TRHDE: variants seen among roughly 807,000 people sequenced by gnomAD.
TRHDE encodes the protein thyrotropin-releasing hormone-degrading ectoenzyme.
In TRHDE, 72 loss-of-function variants were observed where a neutral mutation model predicts 125.7. That is an observed-to-expected ratio of 0.57 (90% CI 0.47 to 0.70). The LOEUF is 0.70. Among genes scored for constraint, TRHDE ranks in the 30% least tolerant of loss-of-function variants. The pLI is 0.00. For synonymous variants in TRHDE, 509 were observed against 509.1 expected, an observed-to-expected ratio of 1.00 and a Z score of 0.00; for missense variants, 1,110 against 1,327.1, an observed-to-expected ratio of 0.84 and a Z score of 2.54.
intron 2 of TRHDE, among the ~76,000 whole-genome samples, chr12:72,310,375 C>T (rs1289524035): frequency 1.3e-5 from 2 of 152,160 alleles, no homozygotes; most frequent in Non-Finnish European, 2.9e-5. Flanking sequence ...ATGGGCAAGC[C>T]GTTCAACCAT....
chr12:72,096,113 A>G (rs1186981654), intron 1 of TRHDE, among the ~76,000 whole-genome samples: 1 of 142,338 alleles, frequency 7.0e-6, no homozygotes, highest in African/African-American at 2.7e-5. Flanking sequence ...ATTCCTTAAG[A>G]TAAATCTTTT....
intron 2 of TRHDE, among the ~76,000 whole-genome samples, chr12:72,332,133 G>A (rs1294976774): frequency 1.4e-5 from 2 of 140,228 alleles, no homozygotes; most frequent in Non-Finnish European, 3.2e-5. Context: ...AGCCAAGGGG[G>A]AGCTCCCAAA....
At chr12:72,567,520 A>G (rs1447616240) in intron 9 of TRHDE, among the ~76,000 whole-genome samples, 1 of 151,980 alleles carries the variant, frequency 6.6e-6, no homozygotes, top group Non-Finnish European at 1.5e-5. Context: ...CGACAGAGTC[A>G]TAGGAAATGC....
At chr12:72,366,379 A>C (rs1253301457) in intron 2 of TRHDE, among the ~76,000 whole-genome samples, 2 of 152,176 alleles carry the variant, frequency 1.3e-5, no homozygotes, top group Non-Finnish European at 2.9e-5. Flanking sequence ...GTGATTTACA[A>C]GAAGAGACTA....
intron 3 of TRHDE, among the ~76,000 whole-genome samples, chr12:72,435,535 A>G (rs1874700317): frequency 6.6e-6 from 1 of 152,098 alleles, no homozygotes; most frequent in Admixed American, 6.6e-5. Flanking sequence ...TTCTAATTTT[A>G]TGATGTTAAT....
intron 3 of TRHDE, among the ~76,000 whole-genome samples, chr12:72,444,038 G>T (rs1875153076): frequency 6.6e-6 from 1 of 151,608 alleles, no homozygotes; most frequent in African/African-American, 2.4e-5. Flanking sequence ...TCCTCTTTTT[G>T]CATATAAAGA....
At chr12:72,161,541 A>G (rs906511640) in intron 2 of TRHDE, among the ~76,000 whole-genome samples, 2 of 152,130 alleles carry the variant, frequency 1.3e-5, no homozygotes, top group Non-Finnish European at 2.9e-5. Flanking sequence ...AGTGGTTTAT[A>G]TTATGTGTCT....
intron 2 of TRHDE, among the ~76,000 whole-genome samples, chr12:72,250,837 G>GATATATAGATATATATATATATATAT (rs1878666279): frequency 8.5e-6 from 1 of 117,932 alleles, no homozygotes; most frequent in Admixed American, 8.6e-5. Flanking sequence ...ATGACTTACA[G>GATATATAGATATATATATATATATAT]ATATATATAT....
intron 2 of TRHDE, among the ~76,000 whole-genome samples, chr12:72,336,345 A>C (rs930104051): frequency 6.6e-6 from 1 of 152,210 alleles, no homozygotes; most frequent in Non-Finnish European, 1.5e-5. Context: ...CATATTATCT[A>C]TGAATGAAAA....
chr12:72,257,116 A>G (rs1395696642), intron 2 of TRHDE: 1 of 152,034 alleles, frequency 6.6e-6, no homozygotes, highest in African/African-American at 2.4e-5. Flanking sequence ...TTATCCTTTC[A>G]TTATTATTGG....
chr12:72,457,098 A>T (rs972206204), intron 3 of TRHDE, among the ~76,000 whole-genome samples: 1 of 152,186 alleles, frequency 6.6e-6, no homozygotes, highest in African/African-American at 2.4e-5. Flanking sequence ...TTCAACCTGA[A>T]TGGGGCATGG....
chr12:72,360,531 T>C (rs1420634140), intron 2 of TRHDE, among the ~76,000 whole-genome samples: 1 of 151,774 alleles, frequency 6.6e-6, no homozygotes, highest in African/African-American at 2.4e-5. Context: ...AAATTACAAC[T>C]AACCGTGGAA....
chr12:72,431,426 G>C (rs1325948971), intron 3 of TRHDE, among the ~76,000 whole-genome samples: 1 of 152,070 alleles, frequency 6.6e-6, no homozygotes, highest in Admixed American at 6.6e-5. Flanking sequence ...TTATGAAGTT[G>C]AACTGCTGAA....
intron 3 of TRHDE, among the ~76,000 whole-genome samples, chr12:72,458,370 C>G (rs944778573): frequency 6.6e-6 from 1 of 152,216 alleles, no homozygotes; most frequent in Non-Finnish European, 1.5e-5. Flanking sequence ...GTCACACTTT[C>G]CTGATTTTCT....
intron 6 of TRHDE, among the ~76,000 whole-genome samples, chr12:72,512,105 C>G (rs576325953): frequency 6.6e-6 from 1 of 152,090 alleles, no homozygotes; most frequent in African/African-American, 2.4e-5. Context: ...CTTCTGCTTT[C>G]TTACGCTGGC....
intron 2 of TRHDE, among the ~76,000 whole-genome samples, chr12:72,181,346 A>C (rs975808280): frequency 6.6e-6 from 1 of 152,154 alleles, no homozygotes; most frequent in Non-Finnish European, 1.5e-5. Context: ...TTCGTCTCCA[A>C]GGTCAGTAGA....
rs577436903 is a variant in TRHDE, at chr12:72,127,863, G to GTA, written n.279+22121_279+22122dup. The stretch of plus-strand genomic sequence containing the variant: ...ATATATGTACAGAGAGACATTGTGT[G>GTA]TATATATATATGTGTGTGTATATAT... On this transcript the variant is annotated intron_variant and non_coding_transcript_variant, in intron 2 of 4. Transcript: ENST00000548156. Among the ~76,000 whole-genome samples the GTA allele has an allele frequency of 3.3e-3, 496 of 151,930 alleles. 3 individuals carry two copies. The highest frequency in any genetic ancestry group is 6.8e-3 in the Middle Eastern group (2 of 294).
At position 72,518,970 on chromosome 12, in the gene TRHDE, G is replaced by A. The variant is rs1207018206; in HGVS notation, c.1722+19335G>A. Among the ~76,000 whole-genome samples, 5 of 152,098 alleles carry A rather than the reference G, an allele frequency of 3.3e-5. No homozygotes were observed. The South Asian group carries it at 1.0e-3, about 32-fold the overall frequency. ...CTTTTCTTTAAGAATGTTGAATATT[G>A]GCCCCCACTCTCTTCTGGCTGGTAG... On this transcript the variant is annotated intron_variant, in intron 6 of 18. Transcript: ENST00000261180.
chr12:72,321,116 C>T (rs770971884), intron 2 of TRHDE, among the ~76,000 whole-genome samples: 1 of 152,072 alleles, frequency 6.6e-6, no homozygotes, highest in Non-Finnish European at 1.5e-5. Flanking sequence ...TGATTCTCAG[C>T]AATTTTATGT....
Sources: allele counts gnomAD v4.1 joint callset (sites outside exome capture counted in the v4.1 genomes callset), GRCh38; gene constraint gnomAD v4.1.1; transcripts MANE v1.5; gene names NCBI Gene and HGNC (gene_info 2026-07-23, HGNC 2026-07-21).